Variants in CDC42SE2 observed in about 807,000 individuals in gnomAD.
CDC42SE2 encodes CDC42 small effector 2.
In CDC42SE2, 3 loss-of-function variants were observed where a neutral mutation model predicts 11.5. The observed-to-expected ratio is 0.26, with a 90% CI of 0.12 to 0.67. The LOEUF (loss-of-function observed/expected upper bound fraction) is 0.67. Among genes scored for constraint, CDC42SE2 ranks in the 30% least tolerant of loss-of-function variants. CDC42SE2 has a pLI of 0.80. For missense variants in CDC42SE2, 82 were observed against 106.8 expected, an observed-to-expected ratio of 0.77 and a Z score of 1.02; for synonymous variants, 33 against 34.8, an observed-to-expected ratio of 0.95 and a Z score of 0.18.
At chr5:131,364,007 T>C (rs544992160) in intron 3 of CDC42SE2, among the ~76,000 whole-genome samples, 16 of 152,184 alleles carry the variant, frequency 1.1e-4, no homozygotes, top group Non-Finnish European at 2.1e-4. Context: ...TGGAATGTGT[T>C]ATTTTGGACA....
chr5:131,352,783 G>C (rs1749384010), intron 2 of CDC42SE2, among the ~76,000 whole-genome samples: 1 of 152,080 alleles, frequency 6.6e-6, no homozygotes, highest in African/African-American at 2.4e-5. Context: ...ATTTATATTT[G>C]GTCATTGATT....
chr5:131,310,960 A>T (rs889460767), intron 1 of CDC42SE2, among the ~76,000 whole-genome samples: 31 of 150,072 alleles, frequency 2.1e-4, no homozygotes, highest in African/African-American at 7.4e-4. Flanking sequence ...TAATATTGTT[A>T]TGTGTGAATT....
At chr5:131,350,313 T>C (rs1302403500) in intron 2 of CDC42SE2, among the ~76,000 whole-genome samples, 2 of 151,792 alleles carry the variant, frequency 1.3e-5, no homozygotes, top group African/African-American at 4.8e-5. Context: ...CATAATGATT[T>C]TCATATATTA....
chr5:131,299,000 G>A (rs1300458652), intron 1 of CDC42SE2, among the ~76,000 whole-genome samples: 1 of 152,188 alleles, frequency 6.6e-6, no homozygotes, highest in African/African-American at 2.4e-5. Flanking sequence ...GCCATATCAA[G>A]TTCTGAAGAG....
chr5:131,353,439 G>A lies in CDC42SE2; in HGVS notation c.-285-5770G>A, dbSNP rs572913474. Among the ~76,000 whole-genome samples, 3 of 152,082 alleles carry A rather than the reference G, an allele frequency of 2.0e-5. No individual in the cohort carries two copies. The South Asian group carries it at 6.2e-4, about 32-fold the overall frequency. ...TGGGATTACAGGTGCATGCCACCAT[G>A]CCCAGCTAATTTTTGTATTTTTAGT... On this transcript the variant is annotated intron_variant, in intron 2 of 4. Transcript: ENST00000505065.
intron 2 of CDC42SE2, among the ~76,000 whole-genome samples, chr5:131,338,122 A>C (rs750879232): frequency 2.6e-5 from 4 of 152,190 alleles, no homozygotes; most frequent in Non-Finnish European, 4.4e-5. Context: ...CATTTTTTAA[A>C]AAGTTATTAT....
At chr5:131,323,139 A>G (rs1392273999) in intron 2 of CDC42SE2, among the ~76,000 whole-genome samples, 1 of 149,958 alleles carries the variant, frequency 6.7e-6, no homozygotes. Flanking sequence ...CAGTCCTTCC[A>G]CATTAGCCCT....
chr5:131,241,584 G>A (rs141575094), upstream of CDC42SE2, among the ~76,000 whole-genome samples: 641 of 152,046 alleles, frequency 4.2e-3, 5 homozygotes, highest in African/African-American at 0.013. Context: ...CATTTTCTCT[G>A]ATCTCAGAAA....
intron 2 of CDC42SE2, among the ~76,000 whole-genome samples, chr5:131,349,886 T>A (rs530131931): frequency 1.3e-5 from 2 of 152,342 alleles, no homozygotes; most frequent in South Asian, 4.1e-4. Flanking sequence ...GTAGGGTTAA[T>A]GGGTGATTTT....
intron 3 of CDC42SE2, among the ~76,000 whole-genome samples, chr5:131,381,429 T>C (rs1159984067): frequency 1.3e-5 from 2 of 152,030 alleles, no homozygotes; most frequent in Admixed American, 6.6e-5. Context: ...GTTCAAACGA[T>C]TCTCCTGTCT....
chr5:131,333,702 C>T (rs967968108), intron 2 of CDC42SE2, among the ~76,000 whole-genome samples: 2 of 151,982 alleles, frequency 1.3e-5, no homozygotes, highest in Non-Finnish European at 2.9e-5. Flanking sequence ...AAGTTGGATT[C>T]CTAGGTATTT....
chr5:131,332,986 A>G (rs1029661051), intron 2 of CDC42SE2, among the ~76,000 whole-genome samples: 33 of 152,040 alleles, frequency 2.2e-4, no homozygotes, highest in African/African-American at 4.3e-4. Flanking sequence ...GATCCCATTT[A>G]TCAATTTTGG....
chr5:131,365,838 C>T (rs543546979), intron 3 of CDC42SE2, among the ~76,000 whole-genome samples: 17 of 151,982 alleles, frequency 1.1e-4, no homozygotes, highest in South Asian at 2.1e-4. Flanking sequence ...AAAAATTAGC[C>T]GGGTGTGGTG....
chr5:131,284,088 T>C (rs537468625), intron 1 of CDC42SE2, among the ~76,000 whole-genome samples: 1 of 152,328 alleles, frequency 6.6e-6, no homozygotes, highest in African/African-American at 2.4e-5. Context: ...CCATCAGCCG[T>C]GTAGGAAATA....
chr5:131,299,623 AGCT>A (rs1455600098), intron 1 of CDC42SE2, among the ~76,000 whole-genome samples: 1 of 152,210 alleles, frequency 6.6e-6, no homozygotes, highest in Non-Finnish European at 1.5e-5. Flanking sequence ...CATCCTGTGG[AGCT>A]GCACTACATG....
chr5:131,224,468 C>CCA, the CDC42SE2 span, among the ~76,000 whole-genome samples: 3,038 of 152,232 alleles, frequency 0.02, 104 homozygotes, highest in African/African-American at 0.065. Flanking sequence ...TCCAGTCTGT[C>CCA]AAGAGTTCCT....
At chr5:131,378,241 G>C (rs1750212343) in intron 3 of CDC42SE2, among the ~76,000 whole-genome samples, 1 of 152,066 alleles carries the variant, frequency 6.6e-6, no homozygotes, top group Non-Finnish European at 1.5e-5. Context: ...ACCATAAAAG[G>C]TATTTTCATT....
At chr5:131,268,353 G>A (rs72787032) in intron 1 of CDC42SE2, among the ~76,000 whole-genome samples, 7,368 of 151,602 alleles carry the variant, frequency 0.049, 449 homozygotes, top group Admixed American at 0.17. Context: ...GTGAGCCACC[G>A]TGCCCGGTCA....
At chr5:131,271,584 G>A (rs1480034172) in intron 1 of CDC42SE2, among the ~76,000 whole-genome samples, 6 of 152,130 alleles carry the variant, frequency 3.9e-5, no homozygotes, top group Non-Finnish European at 8.8e-5. Flanking sequence ...CCAGGGTGGG[G>A]CAGGGTTCCT....
Sources: gnomAD v4.1 joint callset for allele counts (sites outside exome capture counted in the v4.1 genomes callset) on GRCh38, gnomAD v4.1.1 for gene constraint, MANE v1.5 for transcripts, NCBI Gene and HGNC (gene_info 2026-07-23, HGNC 2026-07-21) for gene names.